The following KIAA0930 variants were observed in gnomAD, a reference collection of about 807,000 sequenced individuals.
The protein encoded by KIAA0930 is KIAA0930, also known as uncharacterized protein KIAA0930.
Under a neutral mutation model 43.9 loss-of-function variants are expected in KIAA0930, and 24 were observed. The observed-to-expected ratio is 0.55, with a 90% CI of 0.40 to 0.77. The LOEUF is 0.77. KIAA0930 is among the 30% of genes least tolerant of loss of function. The pLI, the probability that KIAA0930 is intolerant of heterozygous loss-of-function variation, is 0.00. For missense variants in KIAA0930, 461 were observed against 574.2 expected (o/e 0.80, Z 2.02); for synonymous variants, 259 against 216.4 (o/e 1.20, Z -1.73).
intron 1 of KIAA0930, among the ~76,000 whole-genome samples, chr22:45,233,119 G>A (rs1379511273): frequency 1.3e-5 from 2 of 152,104 alleles, no homozygotes; most frequent in Non-Finnish European, 2.9e-5. Flanking sequence ...ATCACATGGG[G>A]GCAGGGGTGG....
At chr22:45,198,834 A>G (rs990564339) in intron 8 of KIAA0930, among the ~76,000 whole-genome samples, 1 of 152,100 alleles carries the variant, frequency 6.6e-6, no homozygotes, top group African/African-American at 2.4e-5. Flanking sequence ...TATTTTTAGT[A>G]GAGACAGGGT....
At chr22:45,205,504 G>A in intron 4 of KIAA0930, 126 bp downstream of exon 4, 1 of 969,144 alleles carries the variant, frequency 1.0e-6, no homozygotes, top group South Asian at 1.5e-5. Flanking sequence ...CAGGAGCTGA[G>A]CAGATTTCTG....
chr22:45,214,173 T>G (rs891065783), intron 1 of KIAA0930, among the ~76,000 whole-genome samples: 2 of 152,038 alleles, frequency 1.3e-5, no homozygotes, highest in Admixed American at 1.3e-4. Context: ...CGAGACTCTG[T>G]CTCAACAAAC....
At position 45,197,073 on chromosome 22, in the gene KIAA0930, A is replaced by T; in HGVS notation, c.*103T>A. 1 of 1,009,528 alleles carries T rather than the reference A, an allele frequency of 9.9e-7. No homozygotes were observed. Among genetic ancestry groups the T allele is most frequent in the Non-Finnish European group, 1.4e-6 (1 of 714,632 alleles). 62.5% of individuals were successfully genotyped at this position (1,009,528 alleles called of 1,614,324 possible). On this transcript the variant is annotated 3_prime_UTR_variant, in exon 10 of 10. Coordinates refer to ENST00000336156, the MANE Select transcript of KIAA0930 (RefSeq NM_001009880.2). ...GGCCTCGCCTGGCTGCGGCTCCAGC[A>T]CTGGCGTGCCATCGCAGACCCCGGT...
At position 45,195,247 on chromosome 22, in the gene KIAA0930, C is replaced by G. The variant is rs1451761354; in HGVS notation, c.*1929G>C. On this transcript the variant is annotated 3_prime_UTR_variant, in exon 10 of 10. Transcript: ENST00000336156. Reference sequence around the variant, plus strand: ...TGCTGGCCCCAGAGGAGACAACCTTCTCCCGCCCCTCACCTCTGAGAACAG... The same window carrying G: ...TGCTGGCCCCAGAGGAGACAACCTTGTCCCGCCCCTCACCTCTGAGAACAG... 1 of 152,214 alleles carries G rather than the reference C, an allele frequency of 6.6e-6. No individual in the cohort carries two copies. The highest frequency in any genetic ancestry group is 1.5e-5 in the Non-Finnish European group (1 of 68,042). 9.4% of individuals were successfully genotyped at this position (152,214 alleles called of 1,614,324 possible).
chr22:45,239,673 T>A (rs897379524), intron 1 of KIAA0930, among the ~76,000 whole-genome samples: 1 of 152,156 alleles, frequency 6.6e-6, no homozygotes, highest in Non-Finnish European at 1.5e-5. Context: ...TGGGACTCAG[T>A]TTCCCCAACG....
chr22:45,197,201 C>G lies in KIAA0930; in HGVS notation c.1190G>C (p.Arg397Pro). The G allele has an allele frequency of 1.9e-6, 3 of 1,550,330 alleles. No homozygotes were observed. Among genetic ancestry groups the G allele is most frequent in the Non-Finnish European group, 2.6e-6 (3 of 1,146,392 alleles). The change falls in exon 10 of 10, where the codon CGG becomes CCG. Residue 397 changes from arginine (R) to proline (P), a missense_variant. Coordinates refer to ENST00000336156, the MANE Select transcript of KIAA0930 (RefSeq NM_001009880.2). ...HRILTDILEV[R>P]QKPILMT ...CTAGGTCATCAGGATGGGCTTCTGC[C>G]GAACTTCCAGGATGTCTAGGGCCGG...
chr22:45,205,669 A>G lies in KIAA0930; in HGVS notation c.375T>C (p.Ala125=). The change falls in exon 4 of 10, where the codon GCT becomes GCC. Residue 125 remains alanine, a synonymous_variant. Transcript: ENST00000336156. ...TATGGATGTGAATGTCCCCGCCGTCAGCACGTGTGCACACCGCACAGGTCA... is the reference window on the plus strand; with the variant it reads ...TATGGATGTGAATGTCCCCGCCGTCGGCACGTGTGCACACCGCACAGGTCA... The part of the protein sequence containing the change: ...YMVTCAVCTR[A]DGGDIHIHKK... The G allele has an allele frequency of 6.2e-7, 1 of 1,614,154 alleles. No individual in the cohort carries two copies. Among genetic ancestry groups the G allele is most frequent in the Non-Finnish European group, 8.5e-7 (1 of 1,180,034 alleles).
chr22:45,197,046 G>A lies in KIAA0930; in HGVS notation c.*130C>T, dbSNP rs2083542723. On this transcript the variant is annotated 3_prime_UTR_variant, in exon 10 of 10. Transcript: ENST00000336156. ...AGTCGGCCCCGGCCCCGGGAGTCGA[G>A]TGGCCTCGCCTGGCTGCGGCTCCAG... 2.6e-5 allele frequency: 20 copies of A among 763,200 alleles called. No homozygotes were observed. The highest frequency in any genetic ancestry group is 6.9e-5 in the Admixed American group (2 of 28,886). The allele number at this position is 763,200 out of a possible 1,614,324, so 47.3% of individuals were successfully genotyped here.
intron 2 of KIAA0930, among the ~76,000 whole-genome samples, chr22:45,210,624 C>T (rs1334490762): frequency 6.6e-6 from 1 of 152,156 alleles, no homozygotes; most frequent in Non-Finnish European, 1.5e-5. Context: ...GCTGGTCTCT[C>T]GATTGTACAC....
chr22:45,194,091 T>TTTTA lies in KIAA0930; in HGVS notation c.*3084_*3085insTAAA, dbSNP rs2083515024. The TTTTA allele has an allele frequency of 8.4e-6, 1 of 118,966 alleles. No individual in the cohort carries two copies. Among genetic ancestry groups the TTTTA allele is most frequent in the Non-Finnish European group, 1.7e-5 (1 of 59,294 alleles). The allele number at this position is 118,966 out of a possible 1,614,324, so 7.4% of individuals were successfully genotyped here. Reference sequence around the variant, plus strand: ...TTTTTTTTTTTTTTTTTTTTTTTTTTGAGACAGAGTTTCGCTCTCGTTGCC... The same window carrying TTTTA: ...TTTTTTTTTTTTTTTTTTTTTTTTTTTTTAGAGACAGAGTTTCGCTCTCGTTGCC... On this transcript the variant is annotated 3_prime_UTR_variant, in exon 10 of 10. Coordinates refer to ENST00000336156, the MANE Select transcript of KIAA0930 (RefSeq NM_001009880.2).
At chr22:45,237,857 T>C (rs778271283) in intron 1 of KIAA0930, among the ~76,000 whole-genome samples, 16 of 151,860 alleles carry the variant, frequency 1.1e-4, no homozygotes, top group Non-Finnish European at 1.9e-4. Flanking sequence ...CGCTCCACTC[T>C]GGGCATCAAG....
chr22:45,229,931 G>A (rs148933103), intron 1 of KIAA0930, among the ~76,000 whole-genome samples: 192 of 152,246 alleles, frequency 1.3e-3, no homozygotes, highest in African/African-American at 3.6e-3. Flanking sequence ...CTGTCTCTAC[G>A]AAAAATACAA....
chr22:45,203,680 A>C (rs1346889821), intron 6 of KIAA0930, among the ~76,000 whole-genome samples, 165 bp downstream of exon 6: 1 of 152,146 alleles, frequency 6.6e-6, no homozygotes, highest in African/African-American at 2.4e-5. Context: ...TGACGTTAAG[A>C]GGACCAGGGA....
intron 1 of KIAA0930, among the ~76,000 whole-genome samples, chr22:45,214,155 C>T (rs1395397276): frequency 6.6e-6 from 1 of 152,108 alleles, no homozygotes; most frequent in Middle Eastern, 3.4e-3. Context: ...CCAGCCTGGG[C>T]AACAGAACGA....
In KIAA0930 at chr22:45,193,228, A is replaced by C. The variant is rs1279050019; in HGVS notation, c.*3948T>G. On this transcript the variant is annotated 3_prime_UTR_variant, in exon 10 of 10. Transcript: ENST00000336156. ...CACTTGGTTTTTGAAACAGGACATG[A>C]AAGCAAATCCCACCTAAATTCAAAA... 1.3e-5 allele frequency: 2 copies of C among 152,244 alleles called. No homozygotes were observed. The highest frequency in any genetic ancestry group is 6.5e-5 in the Admixed American group (1 of 15,288). 9.4% of individuals were successfully genotyped at this position (152,244 alleles called of 1,614,324 possible).
intron 2 of KIAA0930, among the ~76,000 whole-genome samples, chr22:45,211,637 C>T (rs969255383): frequency 1.3e-5 from 2 of 152,194 alleles, no homozygotes; most frequent in Non-Finnish European, 2.9e-5. Flanking sequence ...TTTGCTCTAC[C>T]ATCTACTGAC....
chr22:45,218,854 G>A (rs2052248199), intron 1 of KIAA0930, among the ~76,000 whole-genome samples: 1 of 152,104 alleles, frequency 6.6e-6, no homozygotes, highest in African/African-American at 2.4e-5. Flanking sequence ...CAGCGGGGTG[G>A]GCTCACAGGG....
intron 1 of KIAA0930, among the ~76,000 whole-genome samples, chr22:45,232,335 C>A (rs910572506): frequency 7.9e-5 from 12 of 152,228 alleles, no homozygotes. Context: ...GTGTGAAAAG[C>A]ATTTTTCAAG....
Sources: allele counts gnomAD v4.1 joint callset (sites outside exome capture counted in the v4.1 genomes callset), GRCh38; gene constraint gnomAD v4.1.1; transcripts MANE v1.5; gene names NCBI Gene and HGNC (gene_info 2026-07-23, HGNC 2026-07-21).